SATL1: variants seen among roughly 807,000 people sequenced by gnomAD.
The protein encoded by SATL1 is spermidine/spermine N(1)-acetyltransferase-like protein 1.
A neutral mutation model predicts 51.8 loss-of-function variants in SATL1; 47 were observed. That is an observed-to-expected ratio of 0.91 (90% CI 0.72 to 1.16). SATL1 has a LOEUF of 1.16. SATL1 is among the 50% of genes most tolerant of loss of function. The pLI is 0.00. For missense variants in SATL1, 520 were observed against 526.4 expected (o/e 0.99, Z 0.12); for synonymous variants, 176 against 182.4 (o/e 0.97, Z 0.28).
intron 2 of SATL1, among the ~76,000 whole-genome samples, chrX:85,222,815 A>G (rs923939858): frequency 4.5e-5 from 5 of 111,845 alleles, no homozygotes; most frequent in African/African-American, 1.6e-4. Flanking sequence ...AAAGATAACA[A>G]TATGCTAAGA....
intron 4 of SATL1, among the ~76,000 whole-genome samples, chrX:85,096,076 C>T (rs1924712677): frequency 9.0e-6 from 1 of 110,995 alleles, no homozygotes; most frequent in South Asian, 3.8e-4. Flanking sequence ...TAACAAAAAA[C>T]ATAGCTGATG....
intron 2 of SATL1, among the ~76,000 whole-genome samples, chrX:85,121,880 A>G (rs1394431185): frequency 9.1e-6 from 1 of 110,354 alleles, no homozygotes; most frequent in East Asian, 2.8e-4. Flanking sequence ...TCCTCACCAC[A>G]AAAAATAAGA....
At chrX:85,172,119 A>T (rs907143305) in intron 2 of SATL1, among the ~76,000 whole-genome samples, 1 of 111,386 alleles carries the variant, frequency 9.0e-6, no homozygotes, top group East Asian at 2.8e-4. Flanking sequence ...TCCTTCAATT[A>T]TCTTATATCT....
intron 1 of SATL1, among the ~76,000 whole-genome samples, chrX:85,240,475 T>C (rs1200080575): frequency 8.9e-6 from 1 of 111,926 alleles, no homozygotes; most frequent in Non-Finnish European, 1.9e-5. Flanking sequence ...CTGGATTTTT[T>C]CCTACATTTA....
chrX:85,188,078 A>G (rs1927352660), intron 2 of SATL1, among the ~76,000 whole-genome samples: 1 of 111,817 alleles, frequency 8.9e-6, no homozygotes, highest in African/African-American at 3.2e-5. Context: ...GTACATTTTT[A>G]GCATATTCTA....
chrX:85,204,310 G>A (rs1030140890), intron 2 of SATL1, among the ~76,000 whole-genome samples: 2 of 111,917 alleles, frequency 1.8e-5, no homozygotes, highest in African/African-American at 6.5e-5. Flanking sequence ...GTACCTGGAT[G>A]TTTCAGTTGA....
In SATL1 at chrX:85,100,128, C is replaced by A. The variant is rs190725008; in HGVS notation, c.1693+3736G>T. Among the ~76,000 whole-genome samples, 10 of 112,329 alleles carry A rather than the reference C, an allele frequency of 8.9e-5. No individual in the cohort carries two copies. In the East Asian group the frequency reaches 2.8e-3, roughly 31 times the overall value. ...GGCAGAGGCAGGAGAATTGCTTTAACCTGGGACATGGAGGTTGCAGTGAGC... is the reference window on the plus strand; with the variant it reads ...GGCAGAGGCAGGAGAATTGCTTTAAACTGGGACATGGAGGTTGCAGTGAGC... On this transcript the variant is annotated intron_variant, in intron 4 of 7. Transcript: ENST00000644105.
chrX:85,181,097 ATGTGTGTGTG>A (rs56714701), intron 2 of SATL1, among the ~76,000 whole-genome samples: 1 of 102,673 alleles, frequency 9.7e-6, no homozygotes, highest in African/African-American at 3.6e-5. Context: ...GCTGAATGTA[ATGTGTGTGTG>A]TGTGTGTGTG....
intron 2 of SATL1, among the ~76,000 whole-genome samples, chrX:85,144,031 G>T (rs1926173864): frequency 9.0e-6 from 1 of 111,680 alleles, no homozygotes; most frequent in African/African-American, 3.3e-5. Context: ...TCTTTGCCAA[G>T]CCAAGAAGTA....
chrX:85,231,512 A>C (rs1011937406), intron 1 of SATL1, among the ~76,000 whole-genome samples: 2 of 112,340 alleles, frequency 1.8e-5, no homozygotes, highest in Non-Finnish European at 3.8e-5. Flanking sequence ...ATTTAACTTC[A>C]TATCACTGAA....
At chrX:85,210,399 A>T (rs1232708129) in intron 2 of SATL1, 2 of 7,349 alleles carry the variant, frequency 2.7e-4, no homozygotes, top group East Asian at 0.033. Flanking sequence ...CAAACTGGTA[A>T]AAAAAAAAAA....
intron 1 of SATL1, among the ~76,000 whole-genome samples, chrX:85,232,689 A>G (rs989678862): frequency 2.5e-4 from 28 of 111,882 alleles, no homozygotes; most frequent in African/African-American, 8.8e-4. Flanking sequence ...TGGTGGCCAC[A>G]GGAAGCAACT....
intron 2 of SATL1, among the ~76,000 whole-genome samples, chrX:85,185,812 C>T (rs1288492888): frequency 5.4e-5 from 6 of 110,441 alleles, no homozygotes; most frequent in African/African-American, 2.0e-4. Flanking sequence ...CCACTTGGTG[C>T]TCTACCCCCC....
At chrX:85,136,585 T>A (rs752591100) in intron 2 of SATL1, among the ~76,000 whole-genome samples, 13 of 111,585 alleles carry the variant, frequency 1.2e-4, no homozygotes, top group African/African-American at 3.6e-4. Context: ...GAAGATCAGG[T>A]TGGAAAAGTG....
chrX:85,122,238 CT>C lies in SATL1; in HGVS notation c.-312-12959del, dbSNP rs767302076. ...TTTTGCAGACGTCTTCCCTGACATC[CT>C]TTAAACAAAGCTGCCCACCATACAC... is the stretch of plus-strand genomic sequence containing the variant. On this transcript the variant is annotated intron_variant, in intron 2 of 7. Transcript: ENST00000644105. Among the ~76,000 whole-genome samples the C allele has an allele frequency of 5.5e-3, 609 of 111,466 alleles. 3 individuals are homozygous for C. The highest frequency in any genetic ancestry group is 0.019 in the African/African-American group (572 of 30,792).
At chrX:85,217,708 C>T (rs1928078347) in intron 2 of SATL1, among the ~76,000 whole-genome samples, 1 of 111,392 alleles carries the variant, frequency 9.0e-6, no homozygotes, top group African/African-American at 3.3e-5. Flanking sequence ...ATCCAAAAGC[C>T]TATTTTAAGA....
intron 4 of SATL1, among the ~76,000 whole-genome samples, chrX:85,096,619 C>G (rs1924728982): frequency 2.7e-5 from 3 of 111,032 alleles, no homozygotes; most frequent in Admixed American, 1.9e-4. Context: ...GTCTCAAAAC[C>G]AAAGACACAG....
chrX:85,155,459 G>C (rs1176497924), intron 2 of SATL1, among the ~76,000 whole-genome samples: 4 of 111,555 alleles, frequency 3.6e-5, no homozygotes, highest in African/African-American at 6.5e-5. Flanking sequence ...CCCTATACTT[G>C]TGAGATTCAA....
intron 2 of SATL1, among the ~76,000 whole-genome samples, chrX:85,165,276 T>A (rs1926809728): frequency 9.0e-6 from 1 of 111,303 alleles, no homozygotes; most frequent in South Asian, 3.8e-4. Flanking sequence ...ATTAGGTTAA[T>A]TTGACAGCCT....
Sources: gnomAD v4.1 joint callset for allele counts (sites outside exome capture counted in the v4.1 genomes callset) on GRCh38, gnomAD v4.1.1 for gene constraint, MANE v1.5 for transcripts, NCBI Gene and HGNC (gene_info 2026-07-23, HGNC 2026-07-21) for gene names.